Variants in SAMMSON observed in about 807,000 individuals in gnomAD.
SAMMSON encodes the protein survival associated mitochondrial melanoma specific oncogenic non-coding RNA.
At chr3:70,323,749 C>T (rs1001473021) in intron 7 of SAMMSON, among the ~76,000 whole-genome samples, 1 of 152,158 alleles carries the variant, frequency 6.6e-6, no homozygotes, top group African/African-American at 2.4e-5. Flanking sequence ...TGTTCCTTTT[C>T]TGCTGGCATA....
At chr3:70,196,713 T>A (rs1408367521) in intron 4 of SAMMSON, among the ~76,000 whole-genome samples, 2 of 152,216 alleles carry the variant, frequency 1.3e-5, no homozygotes, top group Non-Finnish European at 2.9e-5. Flanking sequence ...ATCAAGAATC[T>A]TATTTTTCAG....
At chr3:70,174,933 C>A in intron 4 of SAMMSON, among the ~76,000 whole-genome samples, 1 of 152,154 alleles carries the variant, frequency 6.6e-6, no homozygotes. Flanking sequence ...TACTTCCCCC[C>A]ACCTTCCCAC....
chr3:70,350,992 A>C (rs1056651407), intron 7 of SAMMSON, among the ~76,000 whole-genome samples: 1 of 152,204 alleles, frequency 6.6e-6, no homozygotes, highest in Non-Finnish European at 1.5e-5. Flanking sequence ...GGTAGGAAAG[A>C]AGCCTTGAGC....
intron 7 of SAMMSON, among the ~76,000 whole-genome samples, chr3:70,292,986 A>G (rs934153776): frequency 6.7e-6 from 1 of 150,136 alleles, no homozygotes; most frequent in Non-Finnish European, 1.5e-5. Flanking sequence ...TCTTTTCCAA[A>G]GAAATAAAGG....
chr3:70,363,772 GT>G (rs1413508733), intron 9 of SAMMSON, among the ~76,000 whole-genome samples: 1 of 149,650 alleles, frequency 6.7e-6, no homozygotes, highest in African/African-American at 2.5e-5. Flanking sequence ...TTTTAAAGCT[GT>G]TTTTTACAGT....
At chr3:70,247,778 C>G (rs1299888395) in intron 4 of SAMMSON, among the ~76,000 whole-genome samples, 1 of 151,060 alleles carries the variant, frequency 6.6e-6, no homozygotes, top group African/African-American at 2.4e-5. Flanking sequence ...GAGACAGAGC[C>G]TAAAGGAAGA....
chr3:70,346,320 T>C (rs1217301531), intron 7 of SAMMSON, among the ~76,000 whole-genome samples: 1 of 151,972 alleles, frequency 6.6e-6, no homozygotes, highest in East Asian at 1.9e-4. Context: ...TGTTTTTTTT[T>C]TTTTTCACTT....
chr3:70,239,922 T>TTG (rs746909047), intron 4 of SAMMSON, among the ~76,000 whole-genome samples: 118 of 151,494 alleles, frequency 7.8e-4, no homozygotes, highest in African/African-American at 2.5e-3. Flanking sequence ...AAATATTACT[T>TTG]TGTGTGTGTG....
At chr3:70,416,118 T>C (rs1436973173) in intron 2 of SAMMSON, among the ~76,000 whole-genome samples, 1 of 152,200 alleles carries the variant, frequency 6.6e-6, no homozygotes, top group Non-Finnish European at 1.5e-5. Flanking sequence ...GGGACAATCA[T>C]AAAATTAATT....
chr3:70,382,669 T>C (rs1287057710), intron 9 of SAMMSON, among the ~76,000 whole-genome samples: 1 of 151,570 alleles, frequency 6.6e-6, no homozygotes, highest in Non-Finnish European at 1.5e-5. Context: ...TGTTTAGTAA[T>C]TTAGTTTAAA....
At chr3:70,384,057 C>T (rs575814564) in intron 9 of SAMMSON, among the ~76,000 whole-genome samples, 1 of 151,930 alleles carries the variant, frequency 6.6e-6, no homozygotes, top group East Asian at 1.9e-4. Context: ...CTTTGAGAGC[C>T]ACTAAACCCA....
chr3:70,353,213 C>T (rs1243126949), intron 7 of SAMMSON, among the ~76,000 whole-genome samples: 2 of 151,760 alleles, frequency 1.3e-5, no homozygotes, highest in Non-Finnish European at 2.9e-5. Context: ...CTGTGTAAAA[C>T]AAAAACTGTT....
At chr3:70,005,910 A>C (rs1274903770) in intron 1 of SAMMSON, among the ~76,000 whole-genome samples, 1 of 152,214 alleles carries the variant, frequency 6.6e-6, no homozygotes, top group African/African-American at 2.4e-5. Context: ...AGTTAATGCA[A>C]AGTATGTAGG....
At chr3:70,286,080 A>G (rs1702160127) in intron 6 of SAMMSON, among the ~76,000 whole-genome samples, 1 of 152,010 alleles carries the variant, frequency 6.6e-6, no homozygotes, top group Non-Finnish European at 1.5e-5. Context: ...CCATTTGTCA[A>G]TTTTGTGTTT....
At chr3:70,378,933 G>A (rs1259183271) in intron 9 of SAMMSON, among the ~76,000 whole-genome samples, 1 of 151,886 alleles carries the variant, frequency 6.6e-6, no homozygotes, top group Non-Finnish European at 1.5e-5. Flanking sequence ...GTGTTCTTTA[G>A]GATAAGTATA....
At chr3:70,289,027 T>C (rs974600188) in intron 6 of SAMMSON, among the ~76,000 whole-genome samples, 4 of 152,216 alleles carry the variant, frequency 2.6e-5, no homozygotes, top group African/African-American at 9.6e-5. Flanking sequence ...TGCCAGTCTG[T>C]GTCTTTTAAT....
intron 3 of SAMMSON, among the ~76,000 whole-genome samples, chr3:70,038,900 A>G (rs2067096127): frequency 6.6e-6 from 1 of 152,154 alleles, no homozygotes; most frequent in Admixed American, 6.6e-5. Flanking sequence ...GAGGAGTTGA[A>G]TAAAACTGAA....
At chr3:70,024,242 G>T (rs1025862251) in intron 3 of SAMMSON, among the ~76,000 whole-genome samples, 2 of 152,104 alleles carry the variant, frequency 1.3e-5, no homozygotes, top group African/African-American at 2.4e-5. Flanking sequence ...ACCATTGCAT[G>T]CTTTTCACTG....
intron 7 of SAMMSON, among the ~76,000 whole-genome samples, chr3:70,299,471 C>T (rs1406607131): frequency 1.3e-5 from 2 of 152,032 alleles, no homozygotes; most frequent in African/African-American, 4.8e-5. Context: ...AAGCACATAC[C>T]CCTAGAGACA....
Sources: allele counts gnomAD v4.1 joint callset (sites outside exome capture counted in the v4.1 genomes callset), GRCh38; gene constraint gnomAD v4.1.1; transcripts MANE v1.5; gene names NCBI Gene and HGNC (gene_info 2026-07-23, HGNC 2026-07-21).